SH3PXD2A: variants seen among roughly 807,000 people sequenced by gnomAD.
SH3PXD2A encodes the protein SH3 and PX domain-containing protein 2A.
Under a neutral mutation model 115.2 loss-of-function variants are expected in SH3PXD2A, and 32 were observed. That is an observed-to-expected ratio of 0.28 (90% confidence interval 0.21 to 0.37). The LOEUF (loss-of-function observed/expected upper bound fraction) is 0.37, where lower values mean the gene tolerates loss of function less well. SH3PXD2A is among the 10% of genes least tolerant of loss of function. The pLI, the probability that SH3PXD2A is intolerant of heterozygous loss-of-function variation, is 1.00. For synonymous variants in SH3PXD2A, 610 were observed against 629.1 expected, an observed-to-expected ratio of 0.97 and a Z score of 0.45; for missense variants, 1,328 against 1,498.7, an observed-to-expected ratio of 0.89 and a Z score of 1.88.
intron 8 of SH3PXD2A, among the ~76,000 whole-genome samples, chr10:103,637,028 T>G (rs1398912481): frequency 6.6e-6 from 1 of 152,220 alleles, no homozygotes; most frequent in Non-Finnish European, 1.5e-5. Flanking sequence ...ATATGGTGTA[T>G]GCAATACCCA....
intron 5 of SH3PXD2A, among the ~76,000 whole-genome samples, chr10:103,697,552 C>T (rs2037839546): frequency 6.6e-6 from 1 of 152,128 alleles, no homozygotes. Context: ...GCGCCGAGCA[C>T]CAGGAAGTGT....
intron 2 of SH3PXD2A, among the ~76,000 whole-genome samples, chr10:103,798,127 A>G (rs1252157792): frequency 1.3e-5 from 2 of 152,168 alleles, no homozygotes; most frequent in African/African-American, 2.4e-5. Context: ...AGGGAGGGGA[A>G]GTACGGGGAG....
intron 5 of SH3PXD2A, among the ~76,000 whole-genome samples, chr10:103,701,145 T>C (rs1251218993): frequency 1.3e-4 from 7 of 55,416 alleles, no homozygotes; most frequent in African/African-American, 3.9e-4. Context: ...ATCCATCCAC[T>C]ATCCATCCAT....
intron 2 of SH3PXD2A, among the ~76,000 whole-genome samples, chr10:103,774,859 G>A (rs1244914332): frequency 6.6e-6 from 1 of 152,220 alleles, no homozygotes; most frequent in African/African-American, 2.4e-5. Context: ...ATTAGGGTGA[G>A]TTTACAGTAG....
rs780460390 is a variant in SH3PXD2A, at chr10:103,627,168, G to T, written c.639C>A (p.Gly213=). ...WWFVSTSEEQ[G]WVPATYLEAQ... is the part of the protein sequence containing the mutation. ...CCTCCAGGTAGGTGGCAGGGACCCAGCCCTGCTCCTCAGAAGTGCTCACGA... is the reference window on the plus strand; with the variant it reads ...CCTCCAGGTAGGTGGCAGGGACCCATCCCTGCTCCTCAGAAGTGCTCACGA... Residue 213 remains glycine, a synonymous_variant, in exon 9 of 15, where the codon GGC becomes GGA. Coordinates refer to ENST00000369774, the MANE Select transcript of SH3PXD2A (RefSeq NM_001394015.1). The surrounding 1 kb of genome is among the most constrained non-coding windows in gnomAD (Gnocchi z 4.4). 8 of 1,612,760 alleles carry T rather than the reference G, an allele frequency of 5.0e-6. No homozygotes were observed. In the South Asian group the frequency reaches 8.8e-5, roughly 18 times the overall value.
chr10:103,638,482 T>C (rs1415610585), intron 8 of SH3PXD2A, among the ~76,000 whole-genome samples: 1 of 152,192 alleles, frequency 6.6e-6, no homozygotes, highest in Non-Finnish European at 1.5e-5. Context: ...GAGGCCTGAC[T>C]AACAAGCAAC....
chr10:103,804,809 C>T lies in SH3PXD2A; in HGVS notation c.73-3447G>A, dbSNP rs140596036. Reference sequence around the variant, plus strand: ...TTAGGAATGCTACAAAACCGACTGACGGTGAGGACCCCCTCAAACTCAATG... The same window carrying T: ...TTAGGAATGCTACAAAACCGACTGATGGTGAGGACCCCCTCAAACTCAATG... On this transcript the variant is annotated intron_variant, in intron 1 of 14. Transcript: ENST00000369774. Among the ~76,000 whole-genome samples the T allele has an allele frequency of 1.6e-4, 24 of 152,214 alleles. No individual in the cohort carries two copies. In the East Asian group the frequency reaches 1.9e-3, roughly 12 times the overall value.
At chr10:103,644,732 A>G (rs1236353754) in intron 8 of SH3PXD2A, among the ~76,000 whole-genome samples, 3 of 152,296 alleles carry the variant, frequency 2.0e-5, no homozygotes, top group Admixed American at 1.3e-4. Context: ...ATCCCTGTCC[A>G]TCAGAGAAAA....
chr10:103,652,059 T>C (rs1325554998), intron 8 of SH3PXD2A, among the ~76,000 whole-genome samples: 1 of 152,190 alleles, frequency 6.6e-6, no homozygotes, highest in African/African-American at 2.4e-5. Flanking sequence ...TCATTTCCCA[T>C]GGTGCTCCTG....
At chr10:103,675,994 G>A (rs989935389) in intron 6 of SH3PXD2A, among the ~76,000 whole-genome samples, 1 of 151,900 alleles carries the variant, frequency 6.6e-6, no homozygotes. Flanking sequence ...AGCCGAGATC[G>A]CGCCATTGCA....
intron 8 of SH3PXD2A, 122 bp downstream of exon 8, chr10:103,660,861 C>G: frequency 8.6e-7 from 1 of 1,162,528 alleles, no homozygotes; most frequent in South Asian, 1.3e-5. Context: ...CCTCGGCCCT[C>G]TCTCTGCCAG....
intron 5 of SH3PXD2A, among the ~76,000 whole-genome samples, chr10:103,707,528 T>C (rs1039876786): frequency 6.6e-6 from 1 of 152,000 alleles, no homozygotes; most frequent in Non-Finnish European, 1.5e-5. Flanking sequence ...AAAACATTTT[T>C]TTAGAGACAG....
chr10:103,782,398 G>A (rs991621371), intron 2 of SH3PXD2A, among the ~76,000 whole-genome samples: 1 of 152,214 alleles, frequency 6.6e-6, no homozygotes, highest in African/African-American at 2.4e-5. Flanking sequence ...GATCCCAATA[G>A]TAAATCTAGC....
intron 1 of SH3PXD2A, among the ~76,000 whole-genome samples, chr10:103,816,769 C>T (rs1393947110): frequency 6.6e-6 from 1 of 152,106 alleles, no homozygotes; most frequent in African/African-American, 2.4e-5. Flanking sequence ...ATAACTAAAA[C>T]ATGAAAATAA....
chr10:103,808,298 G>A (rs762023776), intron 1 of SH3PXD2A, among the ~76,000 whole-genome samples: 9 of 151,636 alleles, frequency 5.9e-5, no homozygotes, highest in Admixed American at 2.0e-4. Flanking sequence ...GTCACCCGGG[G>A]TGGAGTGCAG....
At chr10:103,657,579 G>A (rs2037230029) in intron 8 of SH3PXD2A, among the ~76,000 whole-genome samples, 1 of 152,176 alleles carries the variant, frequency 6.6e-6, no homozygotes, top group African/African-American at 2.4e-5. Context: ...TATATCAATG[G>A]AGAAAAAGAG....
chr10:103,785,749 T>G (rs1234441834), intron 2 of SH3PXD2A, among the ~76,000 whole-genome samples: 4 of 151,820 alleles, frequency 2.6e-5, no homozygotes, highest in Admixed American at 2.6e-4. Context: ...GCTTCTGCCT[T>G]CACTAATCCC....
intron 5 of SH3PXD2A, among the ~76,000 whole-genome samples, chr10:103,716,205 G>T (rs776455882): frequency 8.6e-4 from 131 of 152,258 alleles, no homozygotes; most frequent in Non-Finnish European, 1.5e-3. Flanking sequence ...TCCCAAACCT[G>T]TGCTCTGGCT....
At chr10:103,729,555 G>T (rs1446756769) in intron 4 of SH3PXD2A, among the ~76,000 whole-genome samples, 1 of 152,224 alleles carries the variant, frequency 6.6e-6, no homozygotes, top group Non-Finnish European at 1.5e-5. Context: ...TAGCCCTCAG[G>T]TTCTGGGGCA....
Sources: allele counts gnomAD v4.1 joint callset (sites outside exome capture counted in the v4.1 genomes callset), GRCh38; gene constraint gnomAD v4.1.1; non-coding constraint Gnocchi (gnomAD v3.1); transcripts MANE v1.5; gene names NCBI Gene and HGNC (gene_info 2026-07-23, HGNC 2026-07-21).